Variants in AGBL1 observed in about 807,000 individuals in gnomAD.
AGBL1 encodes the protein cytosolic carboxypeptidase 4.
In AGBL1, 130 loss-of-function variants were observed where a neutral mutation model predicts 118.9. The ratio of observed to expected loss-of-function variants is 1.09; its 90% CI spans 0.95 to 1.26. The LOEUF is 1.26. Ranked by LOEUF, AGBL1 falls within the 50% of genes most tolerant of loss-of-function variation. The probability of loss-of-function intolerance (pLI) is 0.00; values close to 1 mark genes in which losing one functional copy is unlikely to be tolerated. For synonymous variants in AGBL1, 555 were observed against 478.9 expected (o/e 1.16, Z -2.08); for missense variants, 1,584 against 1,298.1 (o/e 1.22, Z -3.38).
At chr15:86,451,945 T>G (rs2082198578) in intron 18 of AGBL1, among the ~76,000 whole-genome samples, 3 of 152,170 alleles carry the variant, frequency 2.0e-5, no homozygotes, top group Admixed American at 2.0e-4. Context: ...AAAAAAATCT[T>G]GTCTTTTACC....
intron 22 of AGBL1, among the ~76,000 whole-genome samples, chr15:86,677,430 C>G (rs988219495): frequency 1.3e-5 from 2 of 152,120 alleles, no homozygotes; most frequent in African/African-American, 4.8e-5. Flanking sequence ...AATCTTATCC[C>G]TGGAAATAAT....
At chr15:86,373,647 G>T (rs2080998926) in intron 17 of AGBL1, among the ~76,000 whole-genome samples, 1 of 152,166 alleles carries the variant, frequency 6.6e-6, no homozygotes, top group Non-Finnish European at 1.5e-5. Context: ...GGTGGAGATT[G>T]TGGGGATAAC....
At chr15:86,625,391 T>TC in intron 21 of AGBL1, among the ~76,000 whole-genome samples, 1 of 126,844 alleles carries the variant, frequency 7.9e-6, no homozygotes, top group Non-Finnish European at 1.6e-5. Flanking sequence ...TTTTGTTTTT[T>TC]TTTTTTTTTA....
At chr15:86,709,430 G>T (rs1369054931) in intron 22 of AGBL1, among the ~76,000 whole-genome samples, 1 of 152,124 alleles carries the variant, frequency 6.6e-6, no homozygotes, top group East Asian at 1.9e-4. Context: ...GCAGCCAAGA[G>T]ATCTACTAAT....
chr15:86,420,551 C>T (rs1158792504), intron 18 of AGBL1, among the ~76,000 whole-genome samples: 1 of 152,142 alleles, frequency 6.6e-6, no homozygotes, highest in Non-Finnish European at 1.5e-5. Context: ...ACCAGAATGC[C>T]TCTTCTCCAA....
intron 21 of AGBL1, among the ~76,000 whole-genome samples, chr15:86,642,075 A>G (rs2085200274): frequency 6.6e-6 from 1 of 152,224 alleles, no homozygotes; most frequent in African/African-American, 2.4e-5. Context: ...CACTGCTTGC[A>G]TCATGTCCAC....
intron 17 of AGBL1, among the ~76,000 whole-genome samples, chr15:86,298,279 A>ATATATATG (rs2079685318): frequency 1.1e-5 from 1 of 94,952 alleles, no homozygotes; most frequent in African/African-American, 5.0e-5. Flanking sequence ...ATATATATAT[A>ATATATATG]TGGTAACTAT....
chr15:86,196,286 C>G (rs2141841421), intron 5 of AGBL1, among the ~76,000 whole-genome samples: 1 of 152,194 alleles, frequency 6.6e-6, no homozygotes, highest in African/African-American at 2.4e-5. Flanking sequence ...GTGATGGCAT[C>G]ACAGGCTTAG....
rs966430796 is a variant in AGBL1 at position 86,769,820 on chromosome 15, C to T, written c.3158+95384C>T. On this transcript the variant is annotated intron_variant, in intron 22 of 22. Coordinates refer to ENST00000614907, the MANE Select transcript of AGBL1 (RefSeq NM_001386094.1). Reference sequence around the variant, plus strand: ...TTTGGGATGAGTATATTTTCCTCCACCTCATCTCATTGCCTCCCTTTTAAA... The same window carrying T: ...TTTGGGATGAGTATATTTTCCTCCATCTCATCTCATTGCCTCCCTTTTAAA... 3.9e-5 allele frequency among the ~76,000 whole-genome samples: 6 copies of T among 151,936 alleles called. No individual in the cohort carries two copies. The South Asian group carries it at 6.2e-4, about 16-fold the overall frequency.
At chr15:86,522,612 G>A (rs964423334) in intron 18 of AGBL1, among the ~76,000 whole-genome samples, 198 bp from the exon 19 acceptor site, 2 of 152,196 alleles carry the variant, frequency 1.3e-5, no homozygotes, top group African/African-American at 2.4e-5. Flanking sequence ...TCATTTGGGG[G>A]TTGTGAATAA....
intron 9 of AGBL1, among the ~76,000 whole-genome samples, chr15:86,258,816 C>G (rs2142018707): frequency 6.6e-6 from 1 of 152,228 alleles, no homozygotes; most frequent in Non-Finnish European, 1.5e-5. Flanking sequence ...AAGCAATTTA[C>G]CAACTTCAGC....
intron 21 of AGBL1, among the ~76,000 whole-genome samples, chr15:86,634,420 T>G (rs1354397794): frequency 6.6e-6 from 1 of 152,168 alleles, no homozygotes; most frequent in Non-Finnish European, 1.5e-5. Context: ...GGATGAAGCT[T>G]AAAAACATTG....
At chr15:86,672,910 C>G (rs2085771978) in intron 21 of AGBL1, among the ~76,000 whole-genome samples, 2 of 152,108 alleles carry the variant, frequency 1.3e-5, no homozygotes, top group Admixed American at 6.5e-5. Flanking sequence ...TGAGGATTTT[C>G]TACCTTTTTA....
chr15:86,705,095 G>A (rs1380760580), intron 22 of AGBL1, among the ~76,000 whole-genome samples: 4 of 152,034 alleles, frequency 2.6e-5, no homozygotes, highest in Non-Finnish European at 5.9e-5. Context: ...AGAACACATG[G>A]ACACAGGGAG....
chr15:86,793,259 A>T (rs2078521657), intron 22 of AGBL1, among the ~76,000 whole-genome samples: 1 of 152,226 alleles, frequency 6.6e-6, no homozygotes, highest in South Asian at 2.1e-4. Flanking sequence ...GACCAAAAGA[A>T]TATTTAGGGA....
intron 17 of AGBL1, among the ~76,000 whole-genome samples, chr15:86,323,462 C>A (rs924850139): frequency 6.6e-6 from 1 of 151,812 alleles, no homozygotes; most frequent in Non-Finnish European, 1.5e-5. Context: ...CTGTGTAAGC[C>A]TCAGTATTGT....
At chr15:86,592,616 G>GT (rs1567074420) in intron 21 of AGBL1, among the ~76,000 whole-genome samples, 1 of 152,126 alleles carries the variant, frequency 6.6e-6, no homozygotes, top group Non-Finnish European at 1.5e-5. Flanking sequence ...CATTAGAAGC[G>GT]TTTTTCCCTT....
chr15:86,646,053 G>A (rs893435728), intron 21 of AGBL1, among the ~76,000 whole-genome samples: 3 of 152,166 alleles, frequency 2.0e-5, no homozygotes, highest in Non-Finnish European at 4.4e-5. Flanking sequence ...CTCTTTCCCA[G>A]CCAGGTTGGG....
chr15:86,637,556 T>C (rs1386632492), intron 21 of AGBL1, among the ~76,000 whole-genome samples: 1 of 152,180 alleles, frequency 6.6e-6, no homozygotes, highest in Non-Finnish European at 1.5e-5. Context: ...ATGGGAATTC[T>C]TTGGAGCTAC....
Sources: gnomAD v4.1 joint callset for allele counts (sites outside exome capture counted in the v4.1 genomes callset) on GRCh38, gnomAD v4.1.1 for gene constraint, MANE v1.5 for transcripts, NCBI Gene and HGNC (gene_info 2026-07-23, HGNC 2026-07-21) for gene names.